PTPRD: variants seen among roughly 807,000 people sequenced by gnomAD.
PTPRD encodes the protein protein tyrosine phosphatase receptor type D, also known as receptor-type tyrosine-protein phosphatase delta.
Under a neutral mutation model 214.5 loss-of-function variants are expected in PTPRD, and 34 were observed. The ratio of observed to expected loss-of-function variants is 0.16; its 90% CI spans 0.12 to 0.21. The LOEUF (loss-of-function observed/expected upper bound fraction) is 0.21, where lower values mean the gene tolerates loss of function less well. Ranked by LOEUF, PTPRD falls within the 10% of genes least tolerant of loss-of-function variation. The pLI is 1.00. For missense variants in PTPRD, 2,545 were observed against 2,398.7 expected, an observed-to-expected ratio of 1.06 and a Z score of -1.27; for synonymous variants, 1,128 against 845.7, an observed-to-expected ratio of 1.33 and a Z score of -5.79.
At chr9:10,196,337 GAATAATA>G (rs2099398067) in intron 3 of PTPRD, among the ~76,000 whole-genome samples, 1 of 151,992 alleles carries the variant, frequency 6.6e-6, no homozygotes, top group African/African-American at 2.4e-5. Context: ...ATTTTCACTT[GAATAATA>G]AATTTGTCAA....
intron 5 of PTPRD, among the ~76,000 whole-genome samples, chr9:9,832,857 G>A (rs1187043297): frequency 6.6e-6 from 1 of 150,464 alleles, no homozygotes; most frequent in African/African-American, 2.4e-5. Flanking sequence ...AGTTTTTGTA[G>A]GAATTCAATT....
At chr9:9,919,953 C>G (rs941051486) in intron 5 of PTPRD, among the ~76,000 whole-genome samples, 1 of 152,072 alleles carries the variant, frequency 6.6e-6, no homozygotes, top group East Asian at 1.9e-4. Context: ...AACACCTATA[C>G]GCTTTTCTGT....
chr9:9,587,040 G>C (rs1203845340), intron 7 of PTPRD, among the ~76,000 whole-genome samples: 1 of 151,894 alleles, frequency 6.6e-6, no homozygotes, highest in Non-Finnish European at 1.5e-5. Context: ...AAAAATATGA[G>C]AGGAGGAAAT....
At chr9:8,634,018 G>A (rs1227341728) in intron 13 of PTPRD, among the ~76,000 whole-genome samples, 6 of 151,768 alleles carry the variant, frequency 4.0e-5, no homozygotes, top group Admixed American at 3.9e-4. Flanking sequence ...AAGCCTGATG[G>A]TGTGCATTAA....
At chr9:9,637,717 T>G (rs1264171584) in intron 7 of PTPRD, among the ~76,000 whole-genome samples, 2 of 152,184 alleles carry the variant, frequency 1.3e-5, no homozygotes, top group Non-Finnish European at 2.9e-5. Context: ...GGAATGGCCC[T>G]GCTCCCATGG....
At chr9:10,567,095 T>C (rs2065863205) in intron 2 of PTPRD, among the ~76,000 whole-genome samples, 1 of 152,238 alleles carries the variant, frequency 6.6e-6, no homozygotes, top group South Asian at 2.1e-4. Context: ...TCTCCTAGTA[T>C]TTAGTAATTA....
At chr9:9,289,006 C>G (rs142399106) in intron 9 of PTPRD, among the ~76,000 whole-genome samples, 1 of 151,802 alleles carries the variant, frequency 6.6e-6, no homozygotes, top group South Asian at 2.1e-4. Flanking sequence ...GTCAACTAAA[C>G]CTCTTTTCTT....
intron 12 of PTPRD, among the ~76,000 whole-genome samples, chr9:8,649,425 T>C (rs1258727220): frequency 6.6e-6 from 1 of 152,204 alleles, no homozygotes; most frequent in Non-Finnish European, 1.5e-5. Context: ...TTCTCATCTA[T>C]CAACTGCACA....
At chr9:8,799,692 T>G (rs968142592) in intron 11 of PTPRD, among the ~76,000 whole-genome samples, 10 of 152,202 alleles carry the variant, frequency 6.6e-5, no homozygotes, top group Admixed American at 6.5e-4. Flanking sequence ...TGTAGCCAGG[T>G]TCAATTAACT....
intron 8 of PTPRD, among the ~76,000 whole-genome samples, chr9:9,412,434 G>A (rs1177060494): frequency 6.6e-6 from 1 of 151,580 alleles, no homozygotes; most frequent in South Asian, 2.1e-4. Context: ...CCAGCATGCA[G>A]CCCATACAGG....
Position 9,705,807 on chromosome 9 carries a change from C to T in PTPRD, c.-287+28726G>A, listed in dbSNP as rs562135167. ...AATATCTTTATCAACTTATACCATT[C>T]TTGAAGTCTAATTGTAATCTATGAC... On this transcript the variant is annotated intron_variant, in intron 7 of 45. Coordinates refer to ENST00000381196, the MANE Select transcript of PTPRD (RefSeq NM_002839.4). 3.3e-5 allele frequency among the ~76,000 whole-genome samples: 5 copies of T among 152,236 alleles called. No individual in the cohort carries two copies. The South Asian group carries it at 1.0e-3, about 32-fold the overall frequency.
chr9:9,897,581 G>C (rs560220498), intron 5 of PTPRD, among the ~76,000 whole-genome samples: 2 of 151,784 alleles, frequency 1.3e-5, no homozygotes, highest in Non-Finnish European at 2.9e-5. Flanking sequence ...GAGTATCCTT[G>C]TACTTTATTG....
chr9:9,791,102 A>AT (rs999667844), intron 5 of PTPRD, among the ~76,000 whole-genome samples: 12 of 152,070 alleles, frequency 7.9e-5, no homozygotes, highest in Non-Finnish European at 1.6e-4. Context: ...TTTGTTACAG[A>AT]TTTTTTTTAG....
At chr9:9,846,597 G>A (rs1242259924) in intron 5 of PTPRD, among the ~76,000 whole-genome samples, 3 of 152,130 alleles carry the variant, frequency 2.0e-5, no homozygotes, top group Non-Finnish European at 4.4e-5. Context: ...GTTACCAGAC[G>A]AGTTTGCAGC....
At chr9:9,698,202 G>C (rs1021051493) in intron 7 of PTPRD, among the ~76,000 whole-genome samples, 6 of 151,868 alleles carry the variant, frequency 4.0e-5, no homozygotes, top group Non-Finnish European at 5.9e-5. Context: ...GTTTTTTCTT[G>C]TGGAGGTACA....
intron 5 of PTPRD, among the ~76,000 whole-genome samples, chr9:9,817,640 T>C (rs1441688099): frequency 6.6e-6 from 1 of 152,156 alleles, no homozygotes; most frequent in African/African-American, 2.4e-5. Flanking sequence ...CTTATTTACA[T>C]TATTTTTGTC....
At chr9:8,946,022 G>C (rs2099061830) in intron 11 of PTPRD, among the ~76,000 whole-genome samples, 1 of 152,124 alleles carries the variant, frequency 6.6e-6, no homozygotes, top group African/African-American at 2.4e-5. Flanking sequence ...TGTTACTCTT[G>C]TAGAAAGAGC....
chr9:9,958,662 T>G (rs2094137442), intron 4 of PTPRD, among the ~76,000 whole-genome samples: 2 of 152,124 alleles, frequency 1.3e-5, no homozygotes, highest in Non-Finnish European at 1.5e-5. Context: ...CCAAAAAACT[T>G]TTATCCAAAA....
chr9:8,644,557 C>T (rs927319406), intron 12 of PTPRD, among the ~76,000 whole-genome samples: 1 of 152,180 alleles, frequency 6.6e-6, no homozygotes, highest in African/African-American at 2.4e-5. Flanking sequence ...TTTGAGGACC[C>T]CAGACCTGGG....
Sources: allele counts gnomAD v4.1 joint callset (sites outside exome capture counted in the v4.1 genomes callset), GRCh38; gene constraint gnomAD v4.1.1; transcripts MANE v1.5; gene names NCBI Gene and HGNC (gene_info 2026-07-23, HGNC 2026-07-21).